DMTF1: variants seen among roughly 807,000 people sequenced by gnomAD.
DMTF1 encodes the protein cyclin-D-binding Myb-like transcription factor 1.
DMTF1 carries 39 observed loss-of-function variants against 91.1 expected under a neutral mutation model. That is an observed-to-expected ratio of 0.43 (90% CI 0.33 to 0.56). DMTF1 has a LOEUF of 0.56. DMTF1 is among the 20% of genes least tolerant of loss of function. The probability of loss-of-function intolerance (pLI) is 0.05; values close to 1 mark genes in which losing one functional copy is unlikely to be tolerated. For missense variants in DMTF1, 750 were observed against 914.5 expected (o/e 0.82, Z 2.32); for synonymous variants, 338 against 309.5 (o/e 1.09, Z -0.97).
chr7:87,153,425 C>T (rs1296488255), intron 1 of DMTF1, among the ~76,000 whole-genome samples: 2 of 152,142 alleles, frequency 1.3e-5, no homozygotes, highest in African/African-American at 2.4e-5. Flanking sequence ...GAATGTTTTA[C>T]CACAATCTCC....
chr7:87,183,457 G>A (rs1031206425), intron 10 of DMTF1, among the ~76,000 whole-genome samples: 3 of 152,184 alleles, frequency 2.0e-5, no homozygotes, highest in African/African-American at 7.2e-5. Flanking sequence ...TACAGCTGCT[G>A]ATGAGGCCAT....
At chr7:87,163,468 T>C (rs926124923) in intron 1 of DMTF1, 27 bp from the exon 2 acceptor site, 29 of 152,392 alleles carry the variant, frequency 1.9e-4, no homozygotes, top group African/African-American at 5.3e-4. Flanking sequence ...TTAAGCCTTA[T>C]TGTGTGTAAT....
chr7:87,153,236 C>T (rs569165153), intron 1 of DMTF1, among the ~76,000 whole-genome samples: 6 of 152,100 alleles, frequency 3.9e-5, no homozygotes, highest in East Asian at 1.9e-4. Context: ...GTCTGACTCT[C>T]TTTAAAGAAG....
intron 3 of DMTF1, 33 bp downstream of exon 3, chr7:87,165,083 C>G (rs1338630677): frequency 4.0e-6 from 6 of 1,483,364 alleles, no homozygotes; most frequent in Non-Finnish European, 4.7e-6. Flanking sequence ...AATTCTGACT[C>G]TCTGAATTTA....
At chr7:87,153,174 T>C (rs972097658) in intron 1 of DMTF1, among the ~76,000 whole-genome samples, 3 of 152,014 alleles carry the variant, frequency 2.0e-5, no homozygotes, top group African/African-American at 7.3e-5. Context: ...TGCTCGGCGA[T>C]TCACGGCCCA....
intron 11 of DMTF1, 65 bp from the exon 12 acceptor site, chr7:87,185,764 T>C (rs1316793082): frequency 1.9e-6 from 3 of 1,568,126 alleles, no homozygotes; most frequent in Non-Finnish European, 2.6e-6. Flanking sequence ...TTACCTGTAG[T>C]CAGAGGAGGG....
chr7:87,183,476 A>G (rs1797797226), intron 10 of DMTF1, among the ~76,000 whole-genome samples: 1 of 152,206 alleles, frequency 6.6e-6, no homozygotes, highest in Non-Finnish European at 1.5e-5. Context: ...ATGCCATGAA[A>G]CAGCACAGTC....
rs1259250584 is a variant in DMTF1, at chr7:87,190,939, C to A, written c.1412-6C>A. 9.3e-6 allele frequency: 15 copies of A among 1,605,998 alleles called. No individual in the cohort carries two copies. The East Asian group carries it at 2.7e-4, about 29-fold the overall frequency. On this transcript the variant is annotated splice_region_variant and splice_polypyrimidine_tract_variant and intron_variant, in intron 13 of 17. Coordinates refer to ENST00000331242, the MANE Select transcript of DMTF1 (RefSeq NM_001142327.2). ...CTTACCACAGCTTACCTTATTCTTA[C>A]CACAGCTTCAGCAGACTCTCCTGCT...
At chr7:87,153,163 T>C (rs1789692811) in intron 1 of DMTF1, among the ~76,000 whole-genome samples, 1 of 152,068 alleles carries the variant, frequency 6.6e-6, no homozygotes, top group Non-Finnish European at 1.5e-5. Context: ...GGGTTCAGCC[T>C]TGCTCGGCGA....
At chr7:87,183,310 G>C (rs1051601850) in intron 10 of DMTF1, among the ~76,000 whole-genome samples, 3 of 152,194 alleles carry the variant, frequency 2.0e-5, no homozygotes, top group African/African-American at 7.2e-5. Context: ...TTTAGGATAG[G>C]ATCTCAGAGT....
At chr7:87,183,240 AACTT>A (rs1797737414) in intron 10 of DMTF1, among the ~76,000 whole-genome samples, 1 of 152,226 alleles carries the variant, frequency 6.6e-6, no homozygotes, top group African/African-American at 2.4e-5. Flanking sequence ...AACTTCTACC[AACTT>A]TGTCATTCTG....
rs1202117132 is a variant in DMTF1 at position 87,193,212 on chromosome 7, G to T, written c.1509G>T (p.Gln503His). The change falls in exon 15 of 18, where the codon CAG becomes CAT. Residue 503 changes from glutamine to histidine, a missense_variant. Coordinates refer to ENST00000331242, the MANE Select transcript of DMTF1 (RefSeq NM_001142327.2). ...TFEILPSFHL[Q>H]PTGTPGTYLL... The stretch of plus-strand genomic sequence containing the variant: ...TTTTCCTTTAGTCTTTCCATCTACA[G>T]CCCACTGGCACTCCAGGCACCTACC... 6.2e-7 allele frequency: 1 copy of T among 1,613,034 alleles called. No homozygotes were observed. Among genetic ancestry groups the T allele is most frequent in the East Asian group, 2.2e-5 (1 of 44,860 alleles).
chr7:87,182,758 T>C (rs1797633722), intron 10 of DMTF1, among the ~76,000 whole-genome samples: 3 of 152,220 alleles, frequency 2.0e-5, no homozygotes, highest in Admixed American at 2.0e-4. Context: ...AGTCCCAAAT[T>C]AGGAAGAAGC....
intron 7 of DMTF1, 77 bp downstream of exon 7, chr7:87,174,746 T>C: frequency 5.2e-6 from 5 of 964,622 alleles, no homozygotes; most frequent in Non-Finnish European, 1.6e-6. Flanking sequence ...GAATGTTGTG[T>C]GCACTTATTA....
chr7:87,194,200 C>G, intron 16 of DMTF1, 98 bp downstream of exon 16: 1 of 1,351,754 alleles, frequency 7.4e-7, no homozygotes, highest in African/African-American at 1.5e-5. Context: ...AAATTAAGCT[C>G]AAACCCCCAA....
At position 87,193,889 on chromosome 7, in the gene DMTF1, C is replaced by T. The variant is rs145593982; in HGVS notation, c.1815C>T (p.Asp605=). 2.0e-5 allele frequency: 33 copies of T among 1,613,188 alleles called. No homozygotes were observed. Among genetic ancestry groups the T allele is most frequent in the South Asian group, 3.3e-5 (3 of 91,064 alleles). Residue 605 remains aspartate, a synonymous_variant, in exon 16 of 18, where the codon GAC becomes GAT. Coordinates refer to ENST00000331242, the MANE Select transcript of DMTF1 (RefSeq NM_001142327.2). ...IQSSDFPEPP[D]ALEADTFPDE... ...CATCTGATTTTCCTGAGCCTCCAGA[C>T]GCCCTAGAAGCAGACACTTTCCCAG...
In DMTF1 at chr7:87,193,401, G is replaced by A. The variant is rs779970113; in HGVS notation, c.1650+48G>A. 1.9e-5 allele frequency: 31 copies of A among 1,598,936 alleles called. 1 individual carries two copies. The Middle Eastern group carries it at 9.9e-4, about 51-fold the overall frequency. On this transcript the variant is annotated intron_variant, in intron 15 of 17. Coordinates refer to ENST00000331242, the MANE Select transcript of DMTF1 (RefSeq NM_001142327.2). ...TTTTTGAGTACCTGTTATAGACCAGGATTAGTTGATAAGGACCAAAATAGA... is the reference window on the plus strand; with the variant it reads ...TTTTTGAGTACCTGTTATAGACCAGAATTAGTTGATAAGGACCAAAATAGA...
rs1041661530 is a variant in DMTF1, at chr7:87,196,035, TGCTTCTATAACAAAAG to T, written c.*897_*912del. 1.3e-5 allele frequency: 2 copies of T among 152,408 alleles called. No homozygotes were observed. Among genetic ancestry groups the T allele is most frequent in the African/African-American group, 4.8e-5 (2 of 41,422 alleles). 9.4% of individuals were successfully genotyped at this position (152,408 alleles called of 1,614,324 possible). ...CAGGCTATTTTAAAAAAACAATATTTGCTTCTATAACAAAAGGAAACAAATCTAAGAATCATTCCTG... is the reference window on the plus strand; with the variant it reads ...CAGGCTATTTTAAAAAAACAATATTTGAAACAAATCTAAGAATCATTCCTG... On this transcript the variant is annotated 3_prime_UTR_variant, in exon 18 of 18. Coordinates refer to ENST00000331242, the MANE Select transcript of DMTF1 (RefSeq NM_001142327.2).
At chr7:87,173,507 T>G (rs1489946070) in intron 5 of DMTF1, 28 bp from the exon 6 acceptor site, 1 of 1,487,648 alleles carries the variant, frequency 6.7e-7, no homozygotes, top group South Asian at 1.2e-5. Context: ...TGTTTTGTTT[T>G]GTTTTGTTTT....
Sources: gnomAD v4.1 joint callset for allele counts (sites outside exome capture counted in the v4.1 genomes callset) on GRCh38, gnomAD v4.1.1 for gene constraint, MANE v1.5 for transcripts, NCBI Gene and HGNC (gene_info 2026-07-23, HGNC 2026-07-21) for gene names.